The following DMBX1 variants were observed in gnomAD, a reference collection of about 807,000 sequenced individuals.
DMBX1 encodes the protein diencephalon/mesencephalon homeobox protein 1.
Under a neutral mutation model 30.4 loss-of-function variants are expected in DMBX1, and 7 were observed. That is an observed-to-expected ratio of 0.23 (90% CI 0.13 to 0.43). The LOEUF (loss-of-function observed/expected upper bound fraction) is 0.43, where lower values mean the gene tolerates loss of function less well. Among genes scored for constraint, DMBX1 ranks in the 20% least tolerant of loss-of-function variants. The pLI, the probability that DMBX1 is intolerant of heterozygous loss-of-function variation, is 1.00. For synonymous variants in DMBX1, 222 were observed against 214.2 expected (o/e 1.04, Z -0.32); for missense variants, 460 against 508.5 (o/e 0.90, Z 0.92).
At chr1:46,499,210 T>C (rs1174097877) in intron 2 of DMBX1, among the ~76,000 whole-genome samples, 1 of 152,126 alleles carries the variant, frequency 6.6e-6, no homozygotes, top group Non-Finnish European at 1.5e-5. Context: ...CTAATTTTTG[T>C]ATTTTTAACA....
At chr1:46,498,656 C>A (rs186724589) in intron 2 of DMBX1, among the ~76,000 whole-genome samples, 716 of 152,246 alleles carry the variant, frequency 4.7e-3, no homozygotes, top group Admixed American at 7.1e-3. Context: ...CAGGCATGTA[C>A]ACCCACCAAG....
intron 2 of DMBX1, among the ~76,000 whole-genome samples, chr1:46,497,723 C>T (rs1029354299): frequency 6.6e-6 from 1 of 152,220 alleles, no homozygotes; most frequent in South Asian, 2.1e-4. Context: ...GGCATTAGGC[C>T]GCAGCCAGCA....
intron 2 of DMBX1, among the ~76,000 whole-genome samples, chr1:46,501,270 C>CTT (rs1557786149): frequency 0.013 from 1,318 of 105,342 alleles, 70 homozygotes; most frequent in Non-Finnish European, 0.017. Context: ...TTCTTTCTTT[C>CTT]TCTTCTTTCT....
intron 3 of DMBX1, among the ~76,000 whole-genome samples, chr1:46,507,838 G>A (rs1419559217): frequency 6.6e-6 from 1 of 152,158 alleles, no homozygotes; most frequent in Non-Finnish European, 1.5e-5. Flanking sequence ...TTATAAAAAG[G>A]AGACAATGGC....
intron 2 of DMBX1, among the ~76,000 whole-genome samples, chr1:46,495,618 A>G (rs180688414): frequency 2.0e-5 from 3 of 152,356 alleles, no homozygotes; most frequent in Admixed American, 2.0e-4. Context: ...CAATTTGGTA[A>G]GGATAGGAAT....
In DMBX1 at chr1:46,499,883, C is replaced by T. The variant is rs1411523348; in HGVS notation, c.-12-7116C>T. Among the ~76,000 whole-genome samples, 3 of 152,162 alleles carry T rather than the reference C, an allele frequency of 2.0e-5. No individual in the cohort carries two copies. In the East Asian group the frequency reaches 5.8e-4, roughly 29 times the overall value. On this transcript the variant is annotated intron_variant, in intron 2 of 5. Coordinates refer to ENST00000360032, the MANE Select transcript of DMBX1 (RefSeq NM_172225.2). The stretch of plus-strand genomic sequence containing the variant: ...TGTGGTATCTGGCACAGAGTGTGTT[C>T]AGTACATTATAGCTAGTACTGTTGT...
In DMBX1 at chr1:46,514,536, T is replaced by A. The variant is rs1337386185; in HGVS notation, c.*2042T>A. On this transcript the variant is annotated 3_prime_UTR_variant, in exon 6 of 6. Transcript: ENST00000360032. The stretch of plus-strand genomic sequence containing the variant: ...TCTAGTTCAGGCAATCTGGATTTGA[T>A]CTTGAGTTCCAGTGCCAGCCTCTGG... Among the ~76,000 whole-genome samples the A allele has an allele frequency of 6.6e-6, 1 of 152,168 alleles. No individual in the cohort carries two copies. The highest frequency in any genetic ancestry group is 1.5e-5 in the Non-Finnish European group (1 of 68,034).
At position 46,514,212 on chromosome 1, in the gene DMBX1, C is replaced by CCA. The variant is rs1458882645; in HGVS notation, c.*1718_*1719insCA. On this transcript the variant is annotated 3_prime_UTR_variant, in exon 6 of 6. Transcript: ENST00000360032. ...TGGGCGACGGAGTGAGACTCCATCT[C>CCA]AAAAAAAAAAAAAAAATAAATAAAA... 1.0e-5 allele frequency: 1 copy of CCA among 96,616 alleles called. No homozygotes were observed. Among genetic ancestry groups the CCA allele is most frequent in the East Asian group, 2.2e-4 (1 of 4,496 alleles). The allele number at this position is 96,616 out of a possible 1,614,324, so 6.0% of individuals were successfully genotyped here.
intron 1 of DMBX1, among the ~76,000 whole-genome samples, 87 bp downstream of exon 1, chr1:46,489,964 A>C (rs1003017348): frequency 6.6e-6 from 1 of 152,108 alleles, no homozygotes; most frequent in Non-Finnish European, 1.5e-5. Context: ...GAACCCGGGG[A>C]CAGCCTCCCC....
In DMBX1 at chr1:46,511,148, G is replaced by T. The variant is rs1467007171; in HGVS notation, c.547G>T (p.Ala183Ser). 1.9e-6 allele frequency: 3 copies of T among 1,614,000 alleles called. No individual in the cohort carries two copies. In the South Asian group the frequency reaches 3.3e-5, roughly 18 times the overall value. ...ELHLSLSEQSASESAPEDQPD... is the reference protein window; with the variant it reads ...ELHLSLSEQSSSESAPEDQPD... ...TCACCTGAGTCTGTCTGAGCAGTCA[G>T]CCAGTGAGTCAGCCCCCGAGGATCA... Residue 183 changes from alanine to serine, a missense_variant, in exon 5 of 6, where the codon GCC becomes TCC. By Grantham distance (99) the Ala-to-Ser change is moderately conservative. This residue lies in a region of DMBX1 where 334 missense variants were observed against 345.1 expected (regional missense o/e 0.97). Coordinates refer to ENST00000360032, the MANE Select transcript of DMBX1 (RefSeq NM_172225.2).
chr1:46,500,111 A>G (rs1391172114), intron 2 of DMBX1, among the ~76,000 whole-genome samples: 1 of 152,116 alleles, frequency 6.6e-6, no homozygotes, highest in Admixed American at 6.5e-5. Context: ...TAGAGGGCCC[A>G]GCAAGAGTAA....
chr1:46,507,265 C>A, intron 3 of DMBX1, 101 bp downstream of exon 3: 2 of 1,449,966 alleles, frequency 1.4e-6, no homozygotes, highest in South Asian at 1.4e-5. Context: ...CAAGCTTGTT[C>A]TAGGGGGCTC....
In DMBX1 at chr1:46,515,849, T is replaced by C. The variant is rs552576718; in HGVS notation, c.*3355T>C. The stretch of plus-strand genomic sequence containing the variant: ...TTCCAGGAATGCCTCATGCCTGGCC[T>C]CTCCCTGCTGTCTGAGTCTCCATTT... On this transcript the variant is annotated 3_prime_UTR_variant, in exon 6 of 6. Transcript: ENST00000360032. Among the ~76,000 whole-genome samples, 23 of 152,260 alleles carry C rather than the reference T, an allele frequency of 1.5e-4. 1 individual carries two copies. The South Asian group carries it at 4.8e-3, about 32-fold the overall frequency.
intron 2 of DMBX1, among the ~76,000 whole-genome samples, chr1:46,496,888 A>G (rs1040928291): frequency 2.0e-5 from 3 of 152,244 alleles, no homozygotes; most frequent in Non-Finnish European, 2.9e-5. Flanking sequence ...TTCTACCTGC[A>G]TGAGTAAAAG....
At chr1:46,508,776 T>C (rs1204891843) in intron 3 of DMBX1, among the ~76,000 whole-genome samples, 1 of 152,136 alleles carries the variant, frequency 6.6e-6, no homozygotes, top group Non-Finnish European at 1.5e-5. Context: ...GCCGGCGGTT[T>C]AGAGAGCCTG....
intron 2 of DMBX1, among the ~76,000 whole-genome samples, chr1:46,504,943 T>C (rs901137995): frequency 9.9e-5 from 15 of 152,096 alleles, no homozygotes; most frequent in African/African-American, 3.4e-4. Flanking sequence ...CCCTTGTAAG[T>C]TGAACAGACA....
chr1:46,512,217 C>T lies in DMBX1; in HGVS notation c.857C>T (p.Pro286Leu), dbSNP rs760474949. The change falls in exon 6 of 6, where the codon CCG becomes CTG. Residue 286 changes from proline (P) to leucine (L), a missense_variant. By Grantham distance (98) the Pro-to-Leu change is moderately conservative (BLOSUM62 -3). This residue lies in a region of DMBX1 where 334 missense variants were observed against 345.1 expected (regional missense o/e 0.97). Coordinates refer to ENST00000360032, the MANE Select transcript of DMBX1 (RefSeq NM_172225.2). This position sits in a 1 kb window ranked among gnomAD's most constrained non-coding sequence, Gnocchi z 4.8. ...TACTCGTCCTTCGAAGTAGGGGGTC[C>T]GGCCCCTGCTGCTGCAGCGGCGGCT... ...VHYSSFEVGGPAPAAAAAAAA... is the reference protein window; with the variant it reads ...VHYSSFEVGGLAPAAAAAAAA... The T allele has an allele frequency of 1.3e-5, 21 of 1,614,030 alleles. No individual in the cohort carries two copies. The highest frequency in any genetic ancestry group is 3.3e-5 in the South Asian group (3 of 91,084).
chr1:46,512,286 C>T lies in DMBX1; in HGVS notation c.926C>T (p.Ser309Leu). The change falls in exon 6 of 6, where the codon TCA becomes TTA. Residue 309 changes from serine to leucine, a missense_variant. Ser to Leu is a moderately radical substitution (Grantham distance 145). This residue lies in a region of DMBX1 where 334 missense variants were observed against 345.1 expected (regional missense o/e 0.97). Coordinates refer to ENST00000360032, the MANE Select transcript of DMBX1 (RefSeq NM_172225.2). The surrounding 1 kb of genome is among the most constrained non-coding windows in gnomAD (Gnocchi z 4.8). ...GGCGTCAACATGGCCCCGCTGGGCT[C>T]ACTGCACTGCCAGTCCTACTACCAG... ...YLGVNMAPLG[S>L]LHCQSYYQSL... 10 of 1,613,590 alleles carry T rather than the reference C, an allele frequency of 6.2e-6. No individual in the cohort carries two copies. Among genetic ancestry groups the T allele is most frequent in the African/African-American group, 1.3e-5 (1 of 75,020 alleles).
chr1:46,505,591 G>C (rs988465501), intron 2 of DMBX1, among the ~76,000 whole-genome samples: 4 of 149,386 alleles, frequency 2.7e-5, no homozygotes, highest in African/African-American at 1.0e-4. Context: ...CACACTCTGG[G>C]GACTGTTGTG....
Sources: gnomAD v4.1 joint callset for allele counts (sites outside exome capture counted in the v4.1 genomes callset) on GRCh38, gnomAD v4.1.1 for gene constraint, gnomAD v4.1.1 regional missense constraint, Gnocchi (gnomAD v3.1) non-coding constraint, MANE v1.5 for transcripts, NCBI Gene and HGNC (gene_info 2026-07-23, HGNC 2026-07-21) for gene names.